The following CDC5L variants were observed in gnomAD, a reference collection of about 807,000 sequenced individuals.
CDC5L encodes the protein cell division cycle 5-like protein.
CDC5L carries 18 observed loss-of-function variants against 104.1 expected under a neutral mutation model. The ratio of observed to expected loss-of-function variants is 0.17; its 90% CI spans 0.12 to 0.26. The LOEUF (loss-of-function observed/expected upper bound fraction) is 0.26, where lower values mean the gene tolerates loss of function less well. CDC5L is among the 10% of genes least tolerant of loss of function. CDC5L has a pLI of 1.00. For synonymous variants in CDC5L, 331 were observed against 322.7 expected, an observed-to-expected ratio of 1.03 and a Z score of -0.28; for missense variants, 673 against 956.9, an observed-to-expected ratio of 0.70 and a Z score of 3.91.
intron 5 of CDC5L, among the ~76,000 whole-genome samples, chr6:44,403,078 A>G (rs1791202841): frequency 6.6e-6 from 1 of 152,194 alleles, no homozygotes. Flanking sequence ...GTGTATTTCT[A>G]ACTTCTCTTT....
Position 44,395,065 on chromosome 6 carries a change from G to A in CDC5L, c.440-1276G>A, listed in dbSNP as rs191150216. Among the ~76,000 whole-genome samples, 7 of 152,240 alleles carry A rather than the reference G, an allele frequency of 4.6e-5. No homozygotes were observed. The South Asian group carries it at 6.2e-4, about 14-fold the overall frequency. On this transcript the variant is annotated intron_variant, in intron 4 of 15. Coordinates refer to ENST00000371477, the MANE Select transcript of CDC5L (RefSeq NM_001253.4). ...TTCCTCATATGTGGGAGCTAAAAGCGTTGATCTCATGGAGTTAGAATAGAG... is the reference window on the plus strand; with the variant it reads ...TTCCTCATATGTGGGAGCTAAAAGCATTGATCTCATGGAGTTAGAATAGAG...
intron 14 of CDC5L, among the ~76,000 whole-genome samples, chr6:44,436,721 C>T (rs1209588026): frequency 1.3e-5 from 2 of 152,196 alleles, no homozygotes; most frequent in African/African-American, 4.8e-5. Context: ...GTTATCCCCC[C>T]TTCCACTATT....
chr6:44,425,425 G>T (rs1792375660), intron 11 of CDC5L, among the ~76,000 whole-genome samples: 2 of 152,140 alleles, frequency 1.3e-5, no homozygotes, highest in Non-Finnish European at 2.9e-5. Flanking sequence ...AACTTTCTCA[G>T]GTCTCATGGT....
rs11571905 is a variant in CDC5L at position 44,389,461 on chromosome 6, A to G, written c.46-807A>G. ...AATGTGGGAAAAAAAGCCTAGAAGT[A>G]AAATCGCCTAAGTGCATGCATCTAT... On this transcript the variant is annotated intron_variant, in intron 1 of 15. Coordinates refer to ENST00000371477, the MANE Select transcript of CDC5L (RefSeq NM_001253.4). Among the ~76,000 whole-genome samples the G allele has an allele frequency of 1.8e-3, 278 of 152,316 alleles. 9 individuals carry two copies. In the East Asian group the frequency reaches 0.048, roughly 26 times the overall value.
At chr6:44,407,007 T>C (rs146400450) in intron 7 of CDC5L, among the ~76,000 whole-genome samples, 1 of 152,310 alleles carries the variant, frequency 6.6e-6, no homozygotes, top group Non-Finnish European at 1.5e-5. Context: ...CTGTATAAAT[T>C]ATTGTATCAG....
At chr6:44,414,428 G>GTA (rs1561973340) in intron 8 of CDC5L, among the ~76,000 whole-genome samples, 1 of 69,654 alleles carries the variant, frequency 1.4e-5, no homozygotes, top group African/African-American at 4.9e-5. Flanking sequence ...GTGTGTGTGT[G>GTA]TGTATTTTTT....
rs922604188 is a variant in CDC5L at position 44,434,892 on chromosome 6, T to C, written c.2091+4982T>C. ...TCTCCTGGGGACCATCAGTTTTCCA[T>C]TGGTCTCTGGCCAGTCTTTTTTAGA... On this transcript the variant is annotated intron_variant, in intron 14 of 15. Coordinates refer to ENST00000371477, the MANE Select transcript of CDC5L (RefSeq NM_001253.4). Among the ~76,000 whole-genome samples the C allele has an allele frequency of 4.6e-5, 7 of 152,308 alleles. No homozygotes were observed. In the East Asian group the frequency reaches 1.4e-3, roughly 29 times the overall value.
intron 14 of CDC5L, among the ~76,000 whole-genome samples, chr6:44,434,871 C>G (rs1014731706): frequency 6.6e-6 from 1 of 152,142 alleles, no homozygotes; most frequent in Non-Finnish European, 1.5e-5. Flanking sequence ...GATTCATCTC[C>G]TGGGGACCAT....
In CDC5L at chr6:44,422,553, A is replaced by G. The variant is rs11572005; in HGVS notation, c.1242-94A>G. The G allele has an allele frequency of 8.4e-3, 6,868 of 815,120 alleles. 57 individuals carry two copies. Among genetic ancestry groups the G allele is most frequent in the Middle Eastern group, 0.052 (207 of 3,998 alleles). 50.5% of individuals were successfully genotyped at this position (815,120 alleles called of 1,614,324 possible). A position where few individuals can be genotyped will look rare whatever the true frequency, so the allele number is the denominator to read the frequency against. On this transcript the variant is annotated intron_variant, in intron 9 of 15. Transcript: ENST00000371477. ...GAAATCTTTATTCTTTTTTTTTTCT[A>G]TATTTCCTGTGAAATAATTTATGTG... is the stretch of plus-strand genomic sequence containing the variant.
chr6:44,418,241 C>T (rs552116524), intron 8 of CDC5L, among the ~76,000 whole-genome samples: 25 of 152,014 alleles, frequency 1.6e-4, no homozygotes, highest in East Asian at 5.8e-4. Context: ...TGAGAACATG[C>T]GGTGTTTGGT....
intron 10 of CDC5L, among the ~76,000 whole-genome samples, chr6:44,423,942 G>A (rs1299300623): frequency 1.3e-5 from 2 of 152,112 alleles, no homozygotes; most frequent in Non-Finnish European, 2.9e-5. Context: ...CCTGGCCTCA[G>A]ACCTCCTGTT....
intron 9 of CDC5L, 64 bp from the exon 10 acceptor site, chr6:44,422,583 A>C: frequency 9.8e-7 from 1 of 1,021,428 alleles, no homozygotes; most frequent in Non-Finnish European, 1.4e-6. Context: ...TATGTGAAAA[A>C]CATTTGAAAG....
chr6:44,445,288 T>C (rs1196918205), intron 14 of CDC5L, among the ~76,000 whole-genome samples: 1 of 152,068 alleles, frequency 6.6e-6, no homozygotes, highest in Non-Finnish European at 1.5e-5. Flanking sequence ...ATTTTTGGGA[T>C]ATAGATGATG....
At chr6:44,413,566 T>A (rs1791757972) in intron 8 of CDC5L, among the ~76,000 whole-genome samples, 2 of 152,180 alleles carry the variant, frequency 1.3e-5, no homozygotes, top group African/African-American at 4.8e-5. Context: ...CAGACTGTTT[T>A]CCAAAGTCGC....
At chr6:44,428,033 C>T (rs1242600892) in intron 13 of CDC5L, among the ~76,000 whole-genome samples, 1 of 151,492 alleles carries the variant, frequency 6.6e-6, no homozygotes, top group Non-Finnish European at 1.5e-5. Context: ...CTCTTTGTTC[C>T]AAAAAGAATT....
At chr6:44,402,665 C>G (rs1024610332) in intron 5 of CDC5L, among the ~76,000 whole-genome samples, 9 of 152,194 alleles carry the variant, frequency 5.9e-5, no homozygotes, top group African/African-American at 2.2e-4. Flanking sequence ...TGGAATTCCA[C>G]CCTCCAATGA....
At position 44,448,246 on chromosome 6, in the gene CDC5L, G is replaced by A. The variant is rs1251946839; in HGVS notation, c.*1535G>A. 2.0e-5 allele frequency: 3 copies of A among 152,200 alleles called. No individual in the cohort carries two copies. The highest frequency in any genetic ancestry group is 4.4e-5 in the Non-Finnish European group (3 of 68,034). The allele number at this position is 152,200 out of a possible 1,614,324, so 9.4% of individuals were successfully genotyped here. A position where few individuals can be genotyped will look rare whatever the true frequency, so the allele number is the denominator to read the frequency against. ...GAACAAAAAGGACAATGCAGCTAGAGTGTCAAGAATGGCATTTCTGTATAT... is the reference window on the plus strand; with the variant it reads ...GAACAAAAAGGACAATGCAGCTAGAATGTCAAGAATGGCATTTCTGTATAT... On this transcript the variant is annotated 3_prime_UTR_variant, in exon 16 of 16. Coordinates refer to ENST00000371477, the MANE Select transcript of CDC5L (RefSeq NM_001253.4).
chr6:44,420,386 T>G (rs1401457170), intron 9 of CDC5L, among the ~76,000 whole-genome samples: 4 of 151,896 alleles, frequency 2.6e-5, no homozygotes, highest in Non-Finnish European at 5.9e-5. Context: ...GAGACGGACT[T>G]TTGCTTTTCT....
At chr6:44,434,269 T>C (rs1792823674) in intron 14 of CDC5L, among the ~76,000 whole-genome samples, 1 of 152,246 alleles carries the variant, frequency 6.6e-6, no homozygotes, top group African/African-American at 2.4e-5. Flanking sequence ...GCTTTGTTCA[T>C]GTATTACTGT....
Sources: allele counts gnomAD v4.1 joint callset (sites outside exome capture counted in the v4.1 genomes callset), GRCh38; gene constraint gnomAD v4.1.1; transcripts MANE v1.5; gene names NCBI Gene and HGNC (gene_info 2026-07-23, HGNC 2026-07-21).